EPHA7: variants seen among roughly 807,000 people sequenced by gnomAD.
EPHA7 encodes ephrin type-A receptor 7.
Under a neutral mutation model 112.6 loss-of-function variants are expected in EPHA7, and 25 were observed. The observed-to-expected ratio is 0.22, with a 90% CI of 0.16 to 0.31. EPHA7 has a LOEUF of 0.31. Ranked by LOEUF, EPHA7 falls within the 10% of genes least tolerant of loss-of-function variation. The pLI, the probability that EPHA7 is intolerant of heterozygous loss-of-function variation, is 1.00. For missense variants in EPHA7, 962 were observed against 1,212.6 expected, an observed-to-expected ratio of 0.79 and a Z score of 3.07; for synonymous variants, 437 against 406.5, an observed-to-expected ratio of 1.07 and a Z score of -0.90.
intron 3 of EPHA7, among the ~76,000 whole-genome samples, chr6:93,379,632 T>C (rs529656102): frequency 6.6e-6 from 1 of 152,030 alleles, no homozygotes; most frequent in Non-Finnish European, 1.5e-5. Flanking sequence ...CCAGTGATTA[T>C]ACAATCAAAC....
intron 3 of EPHA7, among the ~76,000 whole-genome samples, chr6:93,403,350 C>T (rs1485881916): frequency 9.0e-6 from 1 of 110,504 alleles, no homozygotes; most frequent in Non-Finnish European, 1.8e-5. Context: ...GGTATCATGG[C>T]GGGTAGGTAA....
At chr6:93,309,021 T>C (rs1773399796) in intron 5 of EPHA7, among the ~76,000 whole-genome samples, 2 of 152,034 alleles carry the variant, frequency 1.3e-5, no homozygotes, top group Non-Finnish European at 2.9e-5. Context: ...TGATCTCCGC[T>C]CACTGCAACC....
At chr6:93,353,088 T>C (rs1002452728) in intron 5 of EPHA7, among the ~76,000 whole-genome samples, 1 of 151,974 alleles carries the variant, frequency 6.6e-6, no homozygotes. Flanking sequence ...GAACTTAACA[T>C]AAAAGGTTAA....
At chr6:93,254,246 C>G (rs1383905663) in intron 14 of EPHA7, among the ~76,000 whole-genome samples, 1 of 151,960 alleles carries the variant, frequency 6.6e-6, no homozygotes, top group African/African-American at 2.4e-5. Flanking sequence ...TTTCTTAGAA[C>G]ACTAAAAGAA....
In EPHA7 at chr6:93,385,733, C is replaced by CTAGA. The variant is rs951225437; in HGVS notation, c.832+24764_832+24767dup. Among the ~76,000 whole-genome samples the CTAGA allele has an allele frequency of 2.6e-5, 4 of 151,780 alleles. No homozygotes were observed. The East Asian group carries it at 5.8e-4, about 22-fold the overall frequency. ...GTGGATGGATGGATAGATTAGATAG[C>CTAGA]TAGATAGATAGATAGATAATTAGTC... On this transcript the variant is annotated intron_variant, in intron 3 of 16. Coordinates refer to ENST00000369303, the MANE Select transcript of EPHA7 (RefSeq NM_004440.4).
intron 15 of EPHA7, among the ~76,000 whole-genome samples, chr6:93,245,873 G>T (rs192456764): frequency 6.6e-6 from 1 of 152,248 alleles, no homozygotes; most frequent in Admixed American, 6.5e-5. Flanking sequence ...TGCCTGGGGA[G>T]TTAGAACACC....
In EPHA7 at chr6:93,315,029, A is replaced by AT. The variant is rs1265207855; in HGVS notation, c.1324+41687dup. On this transcript the variant is annotated intron_variant, in intron 5 of 16. Transcript: ENST00000369303. Reference sequence around the variant, plus strand: ...AGGCGCCCGCCACCACGCCCGGCTAATTTTTTGTATTTTTAGTAGAGACGG... The same window carrying AT: ...AGGCGCCCGCCACCACGCCCGGCTAATTTTTTTGTATTTTTAGTAGAGACGG... 3.3e-4 allele frequency among the ~76,000 whole-genome samples: 49 copies of AT among 149,316 alleles called. 1 individual carries two copies. Among genetic ancestry groups the AT allele is most frequent in the African/African-American group, 1.2e-3 (48 of 40,280 alleles).
intron 5 of EPHA7, among the ~76,000 whole-genome samples, chr6:93,330,465 A>T (rs1372187678): frequency 6.6e-6 from 1 of 151,300 alleles, no homozygotes. Context: ...CCTTCTCAGT[A>T]ACCACTATTT....
intron 5 of EPHA7, among the ~76,000 whole-genome samples, chr6:93,351,032 T>A (rs1274134336): frequency 4.6e-5 from 7 of 152,082 alleles, no homozygotes; most frequent in Non-Finnish European, 7.4e-5. Flanking sequence ...GATATTGTAA[T>A]GGGCTGCCCA....
At chr6:93,246,130 C>A (rs1379526246) in intron 15 of EPHA7, among the ~76,000 whole-genome samples, 1 of 151,850 alleles carries the variant, frequency 6.6e-6, no homozygotes, top group African/African-American at 2.4e-5. Flanking sequence ...CAGCTCACTG[C>A]CACCTCTGCC....
chr6:93,350,310 T>C (rs1775627070), intron 5 of EPHA7, among the ~76,000 whole-genome samples: 1 of 151,976 alleles, frequency 6.6e-6, no homozygotes. Context: ...CAATTTCTCG[T>C]GTAATGGATT....
At chr6:93,260,397 C>T (rs1481282855) in intron 9 of EPHA7, 4 of 422,576 alleles carry the variant, frequency 9.5e-6, no homozygotes, top group African/African-American at 2.2e-5. Context: ...TAATGTATTC[C>T]AAATCTATTT....
At chr6:93,271,416 G>T (rs1025678416) in intron 6 of EPHA7, among the ~76,000 whole-genome samples, 1 of 151,748 alleles carries the variant, frequency 6.6e-6, no homozygotes, top group Non-Finnish European at 1.5e-5. Flanking sequence ...CAGTTAAAAT[G>T]GTTATGTGTA....
intron 3 of EPHA7, among the ~76,000 whole-genome samples, chr6:93,361,336 G>A (rs1418190554): frequency 6.6e-6 from 1 of 151,904 alleles, no homozygotes; most frequent in African/African-American, 2.4e-5. Context: ...AAAAGCGCTG[G>A]AGCAATGGTG....
intron 3 of EPHA7, among the ~76,000 whole-genome samples, chr6:93,397,114 T>C (rs1778217025): frequency 6.6e-6 from 1 of 151,666 alleles, no homozygotes; most frequent in Non-Finnish European, 1.5e-5. Flanking sequence ...TTAACCGCAA[T>C]CATTAAAATA....
intron 3 of EPHA7, among the ~76,000 whole-genome samples, chr6:93,381,940 A>G (rs1248812608): frequency 1.3e-5 from 2 of 152,138 alleles, no homozygotes; most frequent in Non-Finnish European, 1.5e-5. Flanking sequence ...ACTTTAATCC[A>G]GCTTTCTATG....
chr6:93,268,609 CA>C (rs1170956976), intron 7 of EPHA7, among the ~76,000 whole-genome samples: 1 of 151,654 alleles, frequency 6.6e-6, no homozygotes, highest in Non-Finnish European at 1.5e-5. Flanking sequence ...CAGGAGGAAT[CA>C]AAACTCCAAA....
In EPHA7 at chr6:93,243,225, C is replaced by T. The variant is rs1402986411; in HGVS notation, c.*201G>A. The T allele has an allele frequency of 1.2e-5, 5 of 422,930 alleles. No individual in the cohort carries two copies. The highest frequency in any genetic ancestry group is 1.7e-5 in the Non-Finnish European group (4 of 238,344). 26.2% of individuals were successfully genotyped at this position (422,930 alleles called of 1,614,324 possible). The stretch of plus-strand genomic sequence containing the variant: ...TTGTCACTGCTATTTTCCTGGCCAC[C>T]GATGGTGGATCCTAAATTCCCTTTT... On this transcript the variant is annotated 3_prime_UTR_variant, in exon 17 of 17. Coordinates refer to ENST00000369303, the MANE Select transcript of EPHA7 (RefSeq NM_004440.4).
At chr6:93,357,185 C>A (rs2127945241) in intron 4 of EPHA7, 133 bp from the exon 5 acceptor site, 1 of 660,772 alleles carries the variant, frequency 1.5e-6, no homozygotes, top group Non-Finnish European at 2.5e-6. Context: ...AGTTGAAATG[C>A]TTTCTTTCAC....
Sources: allele counts gnomAD v4.1 joint callset (sites outside exome capture counted in the v4.1 genomes callset), GRCh38; gene constraint gnomAD v4.1.1; transcripts MANE v1.5; gene names NCBI Gene and HGNC (gene_info 2026-07-23, HGNC 2026-07-21).